C1orf87: variants seen among roughly 807,000 people sequenced by gnomAD.
C1orf87 encodes the protein uncharacterized protein C1orf87.
In C1orf87, 58 loss-of-function variants were observed where a neutral mutation model predicts 60.5. The observed-to-expected ratio is 0.96, with a 90% CI of 0.78 to 1.19. C1orf87 has a LOEUF of 1.19. C1orf87 is among the 50% of genes most tolerant of loss of function. The probability of loss-of-function intolerance (pLI) is 0.00; values close to 1 mark genes in which losing one functional copy is unlikely to be tolerated. For synonymous variants in C1orf87, 236 were observed against 227.4 expected, an observed-to-expected ratio of 1.04 and a Z score of -0.34; for missense variants, 673 against 638.6, an observed-to-expected ratio of 1.05 and a Z score of -0.58.
chr1:60,029,105 T>A (rs1645218924), intron 7 of C1orf87, among the ~76,000 whole-genome samples: 1 of 152,194 alleles, frequency 6.6e-6, no homozygotes, highest in African/African-American at 2.4e-5. Flanking sequence ...CTCTCAATTA[T>A]TCCTTTTCTG....
chr1:60,026,672 A>G (rs1645200168), intron 7 of C1orf87, among the ~76,000 whole-genome samples: 1 of 152,224 alleles, frequency 6.6e-6, no homozygotes, highest in Non-Finnish European at 1.5e-5. Context: ...AGACATTTCT[A>G]ATAGTAACTA....
In C1orf87 at chr1:59,999,282, G is replaced by A. The variant is rs144977083; in HGVS notation, c.1273-1466C>T. 2.5e-3 allele frequency among the ~76,000 whole-genome samples: 379 copies of A among 152,200 alleles called. 1 individual carries two copies. Among genetic ancestry groups the A allele is most frequent in the Middle Eastern group, 6.8e-3 (2 of 294 alleles). On this transcript the variant is annotated intron_variant, in intron 10 of 11. Transcript: ENST00000371201. ...TGACAAACAACCAGTACGTCTTAAC[G>A]GATTCCTATAAAAAGAATTCTACTT...
chr1:60,070,744 T>C (rs1461243557), intron 2 of C1orf87, among the ~76,000 whole-genome samples: 1 of 152,204 alleles, frequency 6.6e-6, no homozygotes, highest in Non-Finnish European at 1.5e-5. Context: ...ACAATTAATT[T>C]AGCTGATTTA....
chr1:60,043,938 A>C (rs568515082), intron 3 of C1orf87, among the ~76,000 whole-genome samples: 1 of 152,354 alleles, frequency 6.6e-6, no homozygotes, highest in African/African-American at 2.4e-5. Context: ...TATCCTTGAC[A>C]CTACAGATAC....
At chr1:60,027,011 C>T (rs1422393506) in intron 7 of C1orf87, among the ~76,000 whole-genome samples, 1 of 152,196 alleles carries the variant, frequency 6.6e-6, no homozygotes, top group African/African-American at 2.4e-5. Context: ...CAATATCCAA[C>T]AAAACGTTCA....
At chr1:60,005,946 G>A (rs545241401) in intron 9 of C1orf87, among the ~76,000 whole-genome samples, 23 of 151,958 alleles carry the variant, frequency 1.5e-4, no homozygotes, top group African/African-American at 5.5e-4. Flanking sequence ...CCAGTTCCAA[G>A]TCCAAACTTG....
rs77405459 is a variant in C1orf87 at position 60,034,575 on chromosome 1, G to A, written c.864-934C>T. 3.7e-3 allele frequency among the ~76,000 whole-genome samples: 558 copies of A among 152,268 alleles called. 1 individual carries two copies. The highest frequency in any genetic ancestry group is 6.2e-3 in the Non-Finnish European group (421 of 68,016). ...TAAAGCCCTAATTTGCTGCATTACT[G>A]ATTTCCCTGGTGTAAATACCCCCAC... On this transcript the variant is annotated intron_variant, in intron 6 of 11. Transcript: ENST00000371201.
chr1:59,996,477 CT>C (rs1644964429), intron 11 of C1orf87, among the ~76,000 whole-genome samples: 1 of 152,184 alleles, frequency 6.6e-6, no homozygotes, highest in East Asian at 1.9e-4. Context: ...TCTCCGTGCT[CT>C]CATTATCTTT....
chr1:60,045,151 T>C (rs1246955967), intron 3 of C1orf87, among the ~76,000 whole-genome samples: 3 of 152,294 alleles, frequency 2.0e-5, no homozygotes, highest in Non-Finnish European at 4.4e-5. Flanking sequence ...TTTCCAGAGA[T>C]AGCATTAAAT....
At chr1:60,054,073 A>ACCT (rs1161087755) in intron 3 of C1orf87, among the ~76,000 whole-genome samples, 4 of 152,202 alleles carry the variant, frequency 2.6e-5, no homozygotes, top group Admixed American at 2.6e-4. Context: ...AATTAGGTTA[A>ACCT]AACATTCAGA....
At chr1:60,065,029 A>ATATATATATTATATATAT (rs1491291377) in intron 2 of C1orf87, among the ~76,000 whole-genome samples, 2 of 116,196 alleles carry the variant, frequency 1.7e-5, no homozygotes, top group African/African-American at 6.7e-5. Flanking sequence ...ATATATATTT[A>ATATATATATTATATATAT]ATATATATAT....
intron 2 of C1orf87, among the ~76,000 whole-genome samples, chr1:60,065,142 C>CA (rs1451705331): frequency 7.2e-6 from 1 of 138,776 alleles, no homozygotes; most frequent in African/African-American, 2.6e-5. Context: ...CAACCTTATA[C>CA]AAAAAGAAAA....
At position 60,040,994 on chromosome 1, in the gene C1orf87, A is replaced by T. The variant is rs1645319993; in HGVS notation, c.480T>A (p.Pro160=). 1.2e-6 allele frequency: 2 copies of T among 1,607,620 alleles called. No individual in the cohort carries two copies. Among genetic ancestry groups the T allele is most frequent in the Non-Finnish European group, 1.7e-6 (2 of 1,176,330 alleles). Residue 160 remains proline (P), a synonymous_variant, in exon 4 of 12, where the codon CCT becomes CCA. Transcript: ENST00000371201. ...EQMVRGSSDQ[P]EDIGQSPSGT... ...CAACAACTCTTAGTATACACACCTC[A>T]GGTTGGTCAGAGCTGCCTCTCACCA...
chr1:60,072,600 G>A lies in C1orf87; in HGVS notation c.44C>T (p.Pro15Leu), dbSNP rs1333984565. ...TCCAATGATTTTCACCATGATCTCA[G>A]GCATTGCATCTGATCCACGGGGAGT... ...WKTPRGSDAM[P>L]EIMVKIIGSK... Residue 15 changes from proline (P) to leucine (L), a missense_variant, in exon 2 of 12, where the codon CCT becomes CTT. Coordinates refer to ENST00000371201, the MANE Select transcript of C1orf87 (RefSeq NM_152377.3). 1 of 1,613,148 alleles carries A rather than the reference G, an allele frequency of 6.2e-7. No homozygotes were observed. The highest frequency in any genetic ancestry group is 8.5e-7 in the Non-Finnish European group (1 of 1,179,922).
intron 8 of C1orf87, among the ~76,000 whole-genome samples, chr1:60,023,202 T>C (rs1264559870): frequency 6.6e-6 from 1 of 152,172 alleles, no homozygotes; most frequent in African/African-American, 2.4e-5. Context: ...CTGAAGTTCA[T>C]TGAGCTCCTT....
chr1:60,009,556 CT>C (rs979608376), intron 9 of C1orf87, among the ~76,000 whole-genome samples: 10 of 151,964 alleles, frequency 6.6e-5, no homozygotes, highest in Non-Finnish European at 1.0e-4. Context: ...TAAATTCCCT[CT>C]GCTTGAAATA....
intron 10 of C1orf87, 122 bp from the exon 11 acceptor site, chr1:59,997,938 A>G: frequency 3.3e-6 from 3 of 913,478 alleles, no homozygotes; most frequent in South Asian, 3.4e-5. Context: ...TGGAAAGCTA[A>G]GAGGATGAGC....
intron 8 of C1orf87, among the ~76,000 whole-genome samples, chr1:60,020,318 G>A (rs1398794060): frequency 1.3e-5 from 2 of 152,098 alleles, no homozygotes; most frequent in Non-Finnish European, 2.9e-5. Flanking sequence ...TTTGAGAAGA[G>A]GGCTACAGTC....
In C1orf87 at chr1:60,062,214, G is replaced by T. The variant is rs112626398; in HGVS notation, c.108-6776C>A. Reference sequence around the variant, plus strand: ...GCCCATGATTCCTGCACCATAACTTGCAGTTCTCTTAATCTCAGCATACAT... The same window carrying T: ...GCCCATGATTCCTGCACCATAACTTTCAGTTCTCTTAATCTCAGCATACAT... On this transcript the variant is annotated intron_variant, in intron 2 of 11. Coordinates refer to ENST00000371201, the MANE Select transcript of C1orf87 (RefSeq NM_152377.3). Among the ~76,000 whole-genome samples, 592 of 152,172 alleles carry T rather than the reference G, an allele frequency of 3.9e-3. 3 individuals are homozygous for T. The highest frequency in any genetic ancestry group is 0.014 in the African/African-American group (561 of 41,518).
Sources: allele counts gnomAD v4.1 joint callset (sites outside exome capture counted in the v4.1 genomes callset), GRCh38; gene constraint gnomAD v4.1.1; transcripts MANE v1.5; gene names NCBI Gene and HGNC (gene_info 2026-07-23, HGNC 2026-07-21).